The following COL18A1 variants were observed in gnomAD, a reference collection of about 807,000 sequenced individuals.
COL18A1 encodes the protein collagen alpha-1(XVIII) chain.
A neutral mutation model predicts 168.0 loss-of-function variants in COL18A1; 133 were observed. The observed-to-expected ratio is 0.79, with a 90% CI of 0.69 to 0.91. COL18A1 has a LOEUF of 0.91. Ranked by LOEUF, COL18A1 falls within the 40% of genes least tolerant of loss-of-function variation. COL18A1 has a pLI of 0.00. For synonymous variants in COL18A1, 949 were observed against 809.0 expected (o/e 1.17, Z -2.94); for missense variants, 2,126 against 1,925.4 (o/e 1.10, Z -1.95).
rs1438537358 is a variant in COL18A1 at position 45,487,463 on chromosome 21, C to T, written c.1850C>T (p.Ser617Phe). Residue 617 changes from serine to phenylalanine, a missense_variant, in exon 17 of 42, where the codon TCC becomes TTC. Transcript: ENST00000651438. ...LPAGFDDMEG[S>F]GGPFWSTARS... ...CTCTTCCAGGATGACATGGAAGGCT[C>T]CGGGGGGCCCTTCTGGTCAACAGCC... The T allele has an allele frequency of 4.3e-6, 7 of 1,613,000 alleles. No individual in the cohort carries two copies. The highest frequency in any genetic ancestry group is 1.3e-5 in the African/African-American group (1 of 74,932).
intron 2 of COL18A1, among the ~76,000 whole-genome samples, chr21:45,411,141 C>T (rs772703055): frequency 9.2e-5 from 14 of 152,298 alleles, no homozygotes; most frequent in Non-Finnish European, 1.3e-4. Context: ...CCAGGAACTC[C>T]GTGGGCCTGT....
rs2034444560 is a variant in COL18A1, at chr21:45,443,783, C to T, written c.107-24459C>T. Among the ~76,000 whole-genome samples, 1 of 152,350 alleles carries T rather than the reference C, an allele frequency of 6.6e-6. No individual in the cohort carries two copies. The highest frequency in any genetic ancestry group is 2.4e-5 in the African/African-American group (1 of 41,578). Reference sequence around the variant, plus strand: ...TGCGGCCCCGTGCCCCTTTACGCGGCTCTGCTGGTGGAGAGGAATAGCTGA... The same window carrying T: ...TGCGGCCCCGTGCCCCTTTACGCGGTTCTGCTGGTGGAGAGGAATAGCTGA... On this transcript the variant is annotated intron_variant, in intron 2 of 41. Coordinates refer to ENST00000651438, the MANE Select transcript of COL18A1 (RefSeq NM_001379500.1). The surrounding 1 kb of genome is among the most constrained non-coding windows in gnomAD (Gnocchi z 5.2).
intron 2 of COL18A1, among the ~76,000 whole-genome samples, chr21:45,444,512 G>A (rs1217628015): frequency 2.6e-5 from 4 of 152,128 alleles, no homozygotes; most frequent in African/African-American, 9.7e-5. Flanking sequence ...GTTGTGAGGT[G>A]CACGCTCACT....
chr21:45,484,649 CTCT>C (rs2036045068), intron 15 of COL18A1, among the ~76,000 whole-genome samples: 1 of 149,492 alleles, frequency 6.7e-6, no homozygotes, highest in South Asian at 2.1e-4. Context: ...GCACACGCAT[CTCT>C]TATGTGCACA....
intron 15 of COL18A1, among the ~76,000 whole-genome samples, chr21:45,483,877 CCT>C (rs757857132): frequency 6.6e-5 from 10 of 151,818 alleles, no homozygotes; most frequent in Non-Finnish European, 1.5e-4. Flanking sequence ...CACACACACA[CCT>C]CTCCAGCATA....
chr21:45,497,604 CAGGGCCCTCCAGGACCCA>C lies in COL18A1; in HGVS notation c.2632_2649del (p.Pro878_Gly883del). The C allele has an allele frequency of 6.4e-7, 1 of 1,562,136 alleles. No homozygotes were observed. The highest frequency in any genetic ancestry group is 8.7e-7 in the Non-Finnish European group (1 of 1,153,594). On this transcript the variant is annotated inframe_deletion, in exon 32 of 42. Coordinates refer to ENST00000651438, the MANE Select transcript of COL18A1 (RefSeq NM_001379500.1). ...CTGGGTCTCTCTTCCTCCAGGGAAT[CAGGGCCCTCCAGGACCCA>C]AGGGCGCCAAAGGAGAAGTGGGCCC...
chr21:45,435,453 C>A (rs2034073399), intron 2 of COL18A1, among the ~76,000 whole-genome samples: 1 of 152,096 alleles, frequency 6.6e-6, no homozygotes, highest in African/African-American at 2.4e-5. Context: ...GCCATGGAGT[C>A]CTGGCCTTCC....
intron 35 of COL18A1, 38 bp downstream of exon 35, chr21:45,505,316 C>A (rs746909948): frequency 6.3e-7 from 1 of 1,599,994 alleles, no homozygotes; most frequent in Non-Finnish European, 8.6e-7. Context: ...CAGAGGCCGC[C>A]TCGTGTGGCT....
Position 45,512,616 on chromosome 21 carries a change from C to CCCAACTCTCCCCTGACCT in COL18A1, c.*219_*236dup. On this transcript the variant is annotated 3_prime_UTR_variant, in exon 42 of 42. Coordinates refer to ENST00000651438, the MANE Select transcript of COL18A1 (RefSeq NM_001379500.1). ...AAGCCTGATGCTGACATTCACCTGC[C>CCCAACTCTCCCCTGACCT]CCAACTCTCCCCTGACCTGTGAGCC... 1.7e-6 allele frequency: 1 copy of CCCAACTCTCCCCTGACCT among 600,030 alleles called. No homozygotes were observed. Among genetic ancestry groups the CCCAACTCTCCCCTGACCT allele is most frequent in the East Asian group, 2.8e-5 (1 of 35,102 alleles). 37.2% of individuals were successfully genotyped at this position (600,030 alleles called of 1,614,324 possible). A position where few individuals can be genotyped will look rare whatever the true frequency, so the allele number is the denominator to read the frequency against.
chr21:45,459,810 C>A (rs1408197858), intron 2 of COL18A1, among the ~76,000 whole-genome samples: 1 of 152,138 alleles, frequency 6.6e-6, no homozygotes, highest in Non-Finnish European at 1.5e-5. Context: ...CGGGACACTG[C>A]CTCCAGGAAG....
rs902390975 is a variant in COL18A1, at chr21:45,493,108, C to T, written c.2215-55C>T. 4.0e-5 allele frequency: 60 copies of T among 1,504,910 alleles called. 1 individual carries two copies. The highest frequency in any genetic ancestry group is 2.2e-4 in the South Asian group (18 of 83,044). The allele number at this position is 1,504,910 out of a possible 1,614,324, so 93.2% of individuals were successfully genotyped here. Reference sequence around the variant, plus strand: ...CTGTCGGGGGAGATGGAGCAGCCGTCGGGGATGGGGGAGATGCCAGCCGCT... The same window carrying T: ...CTGTCGGGGGAGATGGAGCAGCCGTTGGGGATGGGGGAGATGCCAGCCGCT... On this transcript the variant is annotated intron_variant, in intron 24 of 41. Transcript: ENST00000651438.
intron 2 of COL18A1, among the ~76,000 whole-genome samples, chr21:45,454,806 C>T (rs992071970): frequency 9.2e-5 from 14 of 152,198 alleles, no homozygotes; most frequent in South Asian, 2.1e-4. Context: ...CTTTTGTGGA[C>T]GGGGAGACTG....
At position 45,498,619 on chromosome 21, in the gene COL18A1, A is replaced by G. The variant is rs571471707; in HGVS notation, c.2683+958A>G. The stretch of plus-strand genomic sequence containing the variant: ...GCCGGGACATCCTTAAGGCCTGTGG[A>G]GGCAAAGGCAGGCAGAAAGCAAGCG... On this transcript the variant is annotated intron_variant, in intron 32 of 41. Coordinates refer to ENST00000651438, the MANE Select transcript of COL18A1 (RefSeq NM_001379500.1). The surrounding 1 kb of genome is among the most constrained non-coding windows in gnomAD (Gnocchi z 4.5). 1.4e-6 allele frequency: 1 copy of G among 704,456 alleles called. No individual in the cohort carries two copies. The highest frequency in any genetic ancestry group is 2.7e-5 in the East Asian group (1 of 36,958). The allele number at this position is 704,456 out of a possible 1,614,324, so 43.6% of individuals were successfully genotyped here.
rs1297372563 is a variant in COL18A1, at chr21:45,473,640, T to C, written c.652-255T>C. Among the ~76,000 whole-genome samples, 1 of 152,158 alleles carries C rather than the reference T, an allele frequency of 6.6e-6. No individual in the cohort carries two copies. The highest frequency in any genetic ancestry group is 1.5e-5 in the Non-Finnish European group (1 of 68,018). ...CAGGTGGCCCATCAGCTGCCTCAGA[T>C]GAGCCAAGTCTGAGGGAGCAGCCTC... On this transcript the variant is annotated intron_variant, in intron 3 of 41. Transcript: ENST00000651438. This position sits in a 1 kb window ranked among gnomAD's most constrained non-coding sequence, Gnocchi z 4.0.
At position 45,480,835 on chromosome 21, in the gene COL18A1, C is replaced by G. The variant is rs1276594534; in HGVS notation, c.1588C>G (p.Pro530Ala). The G allele has an allele frequency of 3.1e-6, 5 of 1,610,544 alleles. No individual in the cohort carries two copies. Among genetic ancestry groups the G allele is most frequent in the Non-Finnish European group, 4.2e-6 (5 of 1,179,312 alleles). ...GLPGVPGREG[P>A]PGFPGLPGPP... Reference sequence around the variant, plus strand: ...TCCTGGTGTGCCTGGGCGCGAGGGTCCCCCCGGGTTTCCTGGCCTCCCGGT... The same window carrying G: ...TCCTGGTGTGCCTGGGCGCGAGGGTGCCCCCGGGTTTCCTGGCCTCCCGGT... The change falls in exon 13 of 42, where the codon CCC becomes GCC. Residue 530 changes from proline to alanine, a missense_variant. Pro to Ala is a conservative substitution (Grantham distance 27, BLOSUM62 -1). Coordinates refer to ENST00000651438, the MANE Select transcript of COL18A1 (RefSeq NM_001379500.1).
rs767165771 is a variant in COL18A1, at chr21:45,468,372, G to A, written c.237G>A (p.Val79=). 13 of 1,613,852 alleles carry A rather than the reference G, an allele frequency of 8.1e-6. No individual in the cohort carries two copies. The South Asian group carries it at 1.4e-4, about 18-fold the overall frequency. The stretch of plus-strand genomic sequence containing the variant: ...GGCCAGATGCCAACAGTGGCCAAGT[G>A]GCCCGGTACCACTTCCCCAGCCTCT... ...VFGPDANSGQ[V]ARYHFPSLFF... Residue 79 remains valine, a synonymous_variant, in exon 3 of 42, where the codon GTG becomes GTA. Transcript: ENST00000651438.
At position 45,471,091 on chromosome 21, in the gene COL18A1, G is replaced by A. The variant is rs1212398445; in HGVS notation, c.651+2305G>A. Among the ~76,000 whole-genome samples the A allele has an allele frequency of 1.5e-5, 2 of 131,790 alleles. No homozygotes were observed. The highest frequency in any genetic ancestry group is 5.1e-5 in the African/African-American group (2 of 39,560). The allele number at this position is 131,790 out of a possible 152,430, so 86.5% of individuals were successfully genotyped here. A position where few individuals can be genotyped will look rare whatever the true frequency, so the allele number is the denominator to read the frequency against. ...CTGCTGGGCCTGGGTGGCGCGCTAC[G>A]GGCCGTGTGCTGCTGGGCCTGGGTG... is the stretch of plus-strand genomic sequence containing the variant. On this transcript the variant is annotated intron_variant, in intron 3 of 41. Transcript: ENST00000651438. The surrounding 1 kb of genome is among the most constrained non-coding windows in gnomAD (Gnocchi z 4.4).
chr21:45,437,348 ACT>A (rs1360923914), intron 2 of COL18A1, among the ~76,000 whole-genome samples: 5 of 86,222 alleles, frequency 5.8e-5, no homozygotes, highest in Non-Finnish European at 8.3e-5. Flanking sequence ...ACACACAGGC[ACT>A]CTCCTGCGCA....
chr21:45,456,069 C>T, intron 2 of COL18A1: 1 of 1,604,470 alleles, frequency 6.2e-7, no homozygotes, highest in Middle Eastern at 1.7e-4. Flanking sequence ...TCTCCGGGCG[C>T]CCACACAACC....
Sources: gnomAD v4.1 joint callset for allele counts (sites outside exome capture counted in the v4.1 genomes callset) on GRCh38, gnomAD v4.1.1 for gene constraint, Gnocchi (gnomAD v3.1) non-coding constraint, MANE v1.5 for transcripts, NCBI Gene and HGNC (gene_info 2026-07-23, HGNC 2026-07-21) for gene names.